Variants in CACNA2D3 observed in about 807,000 individuals in gnomAD.
CACNA2D3 encodes calcium voltage-gated channel auxiliary subunit alpha2delta 3, also known as voltage-dependent calcium channel subunit alpha-2/delta-3.
Under a neutral mutation model 160.6 loss-of-function variants are expected in CACNA2D3, and 60 were observed. That is an observed-to-expected ratio of 0.37 (90% CI 0.30 to 0.46). The LOEUF (loss-of-function observed/expected upper bound fraction) is 0.46, where lower values mean the gene tolerates loss of function less well. CACNA2D3 is among the 20% of genes least tolerant of loss of function. The probability of loss-of-function intolerance (pLI) is 1.00; values close to 1 mark genes in which losing one functional copy is unlikely to be tolerated. For missense variants in CACNA2D3, 1,205 were observed against 1,365.0 expected, an observed-to-expected ratio of 0.88 and a Z score of 1.85; for synonymous variants, 558 against 492.9, an observed-to-expected ratio of 1.13 and a Z score of -1.75.
At chr3:54,835,864 G>T (rs1698665908) in intron 14 of CACNA2D3, among the ~76,000 whole-genome samples, 1 of 152,162 alleles carries the variant, frequency 6.6e-6, no homozygotes, top group Admixed American at 6.5e-5. Context: ...AAAGAAGCTG[G>T]CATCCTTTGA....
chr3:54,227,838 T>C (rs1577012082), intron 2 of CACNA2D3, among the ~76,000 whole-genome samples: 1 of 152,134 alleles, frequency 6.6e-6, no homozygotes, highest in Non-Finnish European at 1.5e-5. Flanking sequence ...TGTGAGCCAC[T>C]GCACCCGGCC....
chr3:54,618,160 G>C (rs1698896230), intron 9 of CACNA2D3, among the ~76,000 whole-genome samples: 1 of 151,156 alleles, frequency 6.6e-6, no homozygotes, highest in Non-Finnish European at 1.5e-5. Flanking sequence ...CACTCTGCAT[G>C]GTATAAATGA....
intron 11 of CACNA2D3, among the ~76,000 whole-genome samples, chr3:54,664,930 A>C (rs571971594): frequency 1.3e-5 from 2 of 152,238 alleles, no homozygotes; most frequent in South Asian, 4.1e-4. Flanking sequence ...CATGCAGGCT[A>C]TGTAGAGAAG....
intron 8 of CACNA2D3, 53 bp from the exon 9 acceptor site, chr3:54,581,750 G>A (rs1470049142): frequency 2.3e-5 from 33 of 1,416,126 alleles, no homozygotes; most frequent in Non-Finnish European, 3.3e-5. Flanking sequence ...TTATTAAGAA[G>A]TACCCTTCAA....
chr3:54,152,948 C>T (rs1439847335), intron 2 of CACNA2D3, among the ~76,000 whole-genome samples: 3 of 152,206 alleles, frequency 2.0e-5, no homozygotes, highest in Non-Finnish European at 2.9e-5. Context: ...ACAGGTGACA[C>T]TCATGATGTG....
intron 11 of CACNA2D3, among the ~76,000 whole-genome samples, chr3:54,717,099 T>C (rs533840269): frequency 6.6e-6 from 1 of 152,270 alleles, no homozygotes; most frequent in Admixed American, 6.5e-5. Context: ...TTATGTAACA[T>C]ACTCTCTGGT....
intron 9 of CACNA2D3, chr3:54,626,395 A>G: frequency 6.4e-7 from 1 of 1,572,672 alleles, no homozygotes; most frequent in Non-Finnish European, 8.6e-7. Context: ...GTGCCTGCGC[A>G]AGGCCAAGAA....
chr3:54,476,212 A>G (rs953288766), intron 4 of CACNA2D3, among the ~76,000 whole-genome samples: 8 of 148,456 alleles, frequency 5.4e-5, no homozygotes, highest in Non-Finnish European at 1.2e-4. Flanking sequence ...CATATATATG[A>G]ATATTATATT....
chr3:54,166,976 T>G (rs1700471138), intron 2 of CACNA2D3, among the ~76,000 whole-genome samples: 1 of 152,200 alleles, frequency 6.6e-6, no homozygotes, highest in Admixed American at 6.5e-5. Flanking sequence ...GGATTACAGT[T>G]TTCTTGAATT....
At chr3:54,612,983 T>G (rs1698774746) in intron 9 of CACNA2D3, among the ~76,000 whole-genome samples, 1 of 152,108 alleles carries the variant, frequency 6.6e-6, no homozygotes, top group African/African-American at 2.4e-5. Flanking sequence ...GCTGTGAAAA[T>G]GGACCACCCC....
At chr3:54,223,629 G>A (rs890036873) in intron 2 of CACNA2D3, among the ~76,000 whole-genome samples, 1 of 152,034 alleles carries the variant, frequency 6.6e-6, no homozygotes, top group Non-Finnish European at 1.5e-5. Flanking sequence ...GCCAAGGTGG[G>A]CAGATCATGA....
chr3:54,911,316 C>T (rs561672680), intron 27 of CACNA2D3, among the ~76,000 whole-genome samples: 12 of 141,834 alleles, frequency 8.5e-5, no homozygotes, highest in Non-Finnish European at 1.7e-4. Flanking sequence ...CCTTCCCCCT[C>T]CCCGCTTCTC....
intron 4 of CACNA2D3, among the ~76,000 whole-genome samples, chr3:54,401,326 T>C (rs1006783708): frequency 1.2e-4 from 19 of 152,314 alleles, no homozygotes; most frequent in African/African-American, 4.3e-4. Context: ...AGGAAGCTTA[T>C]GAAATAATGA....
chr3:54,953,217 G>A (rs192686224), intron 27 of CACNA2D3, among the ~76,000 whole-genome samples: 160 of 152,270 alleles, frequency 1.1e-3, no homozygotes, highest in African/African-American at 3.7e-3. Context: ...CGTATAAGGT[G>A]TGCATGACTC....
intron 27 of CACNA2D3, among the ~76,000 whole-genome samples, chr3:54,922,724 A>G (rs1700889250): frequency 6.6e-6 from 1 of 151,782 alleles, no homozygotes; most frequent in African/African-American, 2.4e-5. Context: ...ACAACCTCCA[A>G]CTCAACGACT....
chr3:54,928,711 A>G (rs1347235205), intron 27 of CACNA2D3, among the ~76,000 whole-genome samples: 2 of 111,992 alleles, frequency 1.8e-5, no homozygotes, highest in African/African-American at 6.9e-5. Context: ...CACCCCACCC[A>G]CTCCCCAGCC....
At chr3:54,945,905 G>C (rs943206492) in intron 27 of CACNA2D3, among the ~76,000 whole-genome samples, 1 of 152,178 alleles carries the variant, frequency 6.6e-6, no homozygotes, top group South Asian at 2.1e-4. Flanking sequence ...TGGATGGCGG[G>C]GGCCATCCTC....
intron 9 of CACNA2D3, among the ~76,000 whole-genome samples, chr3:54,608,501 A>G (rs865928257): frequency 1.3e-5 from 2 of 152,154 alleles, no homozygotes; most frequent in African/African-American, 4.8e-5. Context: ...CACACACACA[A>G]TAAAGAGTAG....
Position 54,461,202 on chromosome 3 carries a change from A to C in CACNA2D3, c.382-42290A>C, listed in dbSNP as rs1575468036. On this transcript the variant is annotated intron_variant, in intron 4 of 37. Transcript: ENST00000474759. ...GCAGTATTTGATTGAGGATTTTTGC[A>C]TCAATGTTCATCAAGGATATTGGTC... 3.3e-5 allele frequency among the ~76,000 whole-genome samples: 5 copies of C among 152,050 alleles called. No individual in the cohort carries two copies. The South Asian group carries it at 1.0e-3, about 32-fold the overall frequency.
Sources: gnomAD v4.1 joint callset for allele counts (sites outside exome capture counted in the v4.1 genomes callset) on GRCh38, gnomAD v4.1.1 for gene constraint, MANE v1.5 for transcripts, NCBI Gene and HGNC (gene_info 2026-07-23, HGNC 2026-07-21) for gene names.